Variants in CHRNA7 observed in about 807,000 individuals in gnomAD.
CHRNA7 encodes the protein cholinergic receptor nicotinic alpha 7 subunit.
In CHRNA7, 17 loss-of-function variants were observed where a neutral mutation model predicts 48.0. The observed-to-expected ratio is 0.35, with a 90% confidence interval of 0.24 to 0.53. The LOEUF is 0.53. Ranked by LOEUF, CHRNA7 falls within the 20% of genes least tolerant of loss-of-function variation. The pLI is 0.92. For synonymous variants in CHRNA7, 75 were observed against 242.3 expected, an observed-to-expected ratio of 0.31 and a Z score of 6.41; for missense variants, 155 against 577.7, an observed-to-expected ratio of 0.27 and a Z score of 7.50.
intron 2 of CHRNA7, among the ~76,000 whole-genome samples, chr15:32,057,318 C>T (rs1244805637): frequency 1.3e-5 from 2 of 152,086 alleles, no homozygotes; most frequent in African/African-American, 2.4e-5. Context: ...AGGTTGTTGG[C>T]TAATGATTGA....
chr15:32,080,044 A>G (rs1315561014), intron 2 of CHRNA7, among the ~76,000 whole-genome samples: 2 of 152,182 alleles, frequency 1.3e-5, no homozygotes, highest in Non-Finnish European at 2.9e-5. Flanking sequence ...AAAACAAGCA[A>G]TGGGGAAAGG....
At chr15:32,131,563 T>C (rs890752505) in intron 4 of CHRNA7, among the ~76,000 whole-genome samples, 4 of 152,216 alleles carry the variant, frequency 2.6e-5, no homozygotes, top group African/African-American at 9.7e-5. Context: ...GTTGAGACTT[T>C]CTATTTTTTC....
Position 32,111,876 on chromosome 15 carries a change from A to G in CHRNA7, c.327A>G (p.Lys109=), listed in dbSNP as rs1426254250. The G allele has an allele frequency of 5.0e-6, 8 of 1,610,674 alleles. No homozygotes were observed. In the East Asian group the frequency reaches 1.3e-4, roughly 27 times the overall value. The change falls in exon 4 of 10, where the codon AAA becomes AAG. Residue 109 remains lysine (K), a synonymous_variant. Coordinates refer to ENST00000306901, the MANE Select transcript of CHRNA7 (RefSeq NM_000746.6). ...TVRFPDGQIW[K]PDILLYNSAD... Reference sequence around the variant, plus strand: ...GTTTCCCAGATGGCCAGATTTGGAAACCAGACATTCTTCTCTATAACAGGT... The same window carrying G: ...GTTTCCCAGATGGCCAGATTTGGAAGCCAGACATTCTTCTCTATAACAGGT...
rs1436133609 is a variant in CHRNA7 at position 32,030,893 on chromosome 15, T to G, written c.56-5T>G. ...AGCCCCCTGCCCGGGTCTTCTCTCCTTAAGTGTCCCTGCAAGGCGAGTTCC... is the reference window on the plus strand; with the variant it reads ...AGCCCCCTGCCCGGGTCTTCTCTCCGTAAGTGTCCCTGCAAGGCGAGTTCC... On this transcript the variant is annotated splice_polypyrimidine_tract_variant and splice_region_variant and intron_variant, in intron 1 of 9. Coordinates refer to ENST00000306901, the MANE Select transcript of CHRNA7 (RefSeq NM_000746.6). 1 of 1,613,660 alleles carries G rather than the reference T, an allele frequency of 6.2e-7. No homozygotes were observed. Among genetic ancestry groups the G allele is most frequent in the African/African-American group, 1.3e-5 (1 of 74,940 alleles).
intron 2 of CHRNA7, among the ~76,000 whole-genome samples, chr15:32,038,140 A>G (rs1169341933): frequency 6.9e-6 from 1 of 145,356 alleles, no homozygotes; most frequent in Non-Finnish European, 1.5e-5. Context: ...TTATGTATAA[A>G]TATGTACATA....
At chr15:32,053,326 GC>G (rs569544544) in intron 2 of CHRNA7, among the ~76,000 whole-genome samples, 103 of 152,304 alleles carry the variant, frequency 6.8e-4, no homozygotes, top group Non-Finnish European at 9.0e-4. Context: ...ATGGAGGAAG[GC>G]CAACGAAAAT....
chr15:32,036,443 A>T lies in CHRNA7; in HGVS notation c.195+5406A>T, dbSNP rs543688127. Among the ~76,000 whole-genome samples, 3 of 152,346 alleles carry T rather than the reference A, an allele frequency of 2.0e-5. No individual in the cohort carries two copies. In the South Asian group the frequency reaches 6.2e-4, roughly 32 times the overall value. ...CATAAGGTTTCAATCACTTGTGTAAATACCAACGAGGGCACTTGCTGGTTC... is the reference window on the plus strand; with the variant it reads ...CATAAGGTTTCAATCACTTGTGTAATTACCAACGAGGGCACTTGCTGGTTC... On this transcript the variant is annotated intron_variant, in intron 2 of 9. Transcript: ENST00000306901.
chr15:32,137,752 G>A (rs902527103), intron 4 of CHRNA7, among the ~76,000 whole-genome samples: 4 of 152,188 alleles, frequency 2.6e-5, no homozygotes, highest in East Asian at 1.9e-4. Flanking sequence ...GTGTGTGTAC[G>A]TGTGTGTGCA....
chr15:32,140,787 ATTTG>A (rs1337688344), intron 4 of CHRNA7, among the ~76,000 whole-genome samples: 2 of 152,024 alleles, frequency 1.3e-5, no homozygotes, highest in Non-Finnish European at 2.9e-5. Flanking sequence ...TTTCTTGTAA[ATTTG>A]TTTAAGTTAT....
chr15:32,048,344 C>T (rs2049594273), intron 2 of CHRNA7, among the ~76,000 whole-genome samples: 1 of 152,206 alleles, frequency 6.6e-6, no homozygotes, highest in East Asian at 1.9e-4. Context: ...GCCACAATTT[C>T]AGCTCCTGTT....
rs567019769 is a variant in CHRNA7, at chr15:32,051,161, C to T, written c.195+20124C>T. On this transcript the variant is annotated intron_variant, in intron 2 of 9. Transcript: ENST00000306901. ...GATCTCCAGCTGCGTGCTGGGAGAA[C>T]CACTGCTCTCCTTAAAGCTGTCAGA... Among the ~76,000 whole-genome samples, 130 of 150,530 alleles carry T rather than the reference C, an allele frequency of 8.6e-4. 1 individual carries two copies. In the Middle Eastern group the frequency reaches 0.01, roughly 12 times the overall value.
At chr15:32,127,803 G>A (rs2051094212) in intron 4 of CHRNA7, among the ~76,000 whole-genome samples, 1 of 152,014 alleles carries the variant, frequency 6.6e-6, no homozygotes, top group African/African-American at 2.4e-5. Context: ...GAGTAAACAT[G>A]TTCTTTTTAA....
At chr15:32,088,495 A>G (rs2050333926) in intron 2 of CHRNA7, among the ~76,000 whole-genome samples, 1 of 152,148 alleles carries the variant, frequency 6.6e-6, no homozygotes, top group Non-Finnish European at 1.5e-5. Context: ...TTAGTTTTGT[A>G]AGAAACCGCC....
chr15:32,134,225 CT>C (rs2051206913), intron 4 of CHRNA7, among the ~76,000 whole-genome samples: 1 of 151,908 alleles, frequency 6.6e-6, no homozygotes, highest in Admixed American at 6.5e-5. Flanking sequence ...GTGGCGGGAT[CT>C]CGGCTCACTG....
chr15:32,076,748 G>A (rs2050141756), intron 2 of CHRNA7, among the ~76,000 whole-genome samples: 1 of 152,030 alleles, frequency 6.6e-6, no homozygotes, highest in South Asian at 2.1e-4. Flanking sequence ...GTGGTACATT[G>A]TTACGATTGA....
intron 2 of CHRNA7, among the ~76,000 whole-genome samples, chr15:32,059,316 A>T (rs958434563): frequency 4.6e-5 from 7 of 152,152 alleles, no homozygotes; most frequent in African/African-American, 1.7e-4. Flanking sequence ...TGCTCATTAA[A>T]TGAATGGATT....
rs934767854 is a variant in CHRNA7 at position 32,046,545 on chromosome 15, G to A, written c.195+15508G>A. Among the ~76,000 whole-genome samples, 694 of 151,488 alleles carry A rather than the reference G, an allele frequency of 4.6e-3. 4 individuals are homozygous for A. Among genetic ancestry groups the A allele is most frequent in the African/African-American group, 0.016 (654 of 41,154 alleles). ...GTTTTTTTCTTGTAAATTTGTTTGA[G>A]TTCATTGTAGATTCTGGATATTAGC... On this transcript the variant is annotated intron_variant, in intron 2 of 9. Coordinates refer to ENST00000306901, the MANE Select transcript of CHRNA7 (RefSeq NM_000746.6).
At chr15:32,067,355 AAGC>A (rs1458869886) in intron 2 of CHRNA7, among the ~76,000 whole-genome samples, 1 of 152,220 alleles carries the variant, frequency 6.6e-6, no homozygotes, top group Non-Finnish European at 1.5e-5. Flanking sequence ...GGAAGATAGA[AAGC>A]AGTGGAAAAG....
intron 2 of CHRNA7, among the ~76,000 whole-genome samples, chr15:32,078,886 G>A (rs12904275): frequency 0.037 from 5,598 of 152,116 alleles, 139 homozygotes; most frequent in Middle Eastern, 0.095. Flanking sequence ...GATGAACTTC[G>A]ATGCAAAAAC....
Sources: allele counts gnomAD v4.1 joint callset (sites outside exome capture counted in the v4.1 genomes callset), GRCh38; gene constraint gnomAD v4.1.1; transcripts MANE v1.5; gene names NCBI Gene and HGNC (gene_info 2026-07-23, HGNC 2026-07-21).